Variants in COL21A1 observed in about 807,000 individuals in gnomAD.
COL21A1 encodes the protein collagen alpha-1(XXI) chain.
In COL21A1, 149 loss-of-function variants were observed where a neutral mutation model predicts 137.9. That is an observed-to-expected ratio of 1.08 (90% CI 0.95 to 1.24). The LOEUF (loss-of-function observed/expected upper bound fraction) is 1.24. COL21A1 is among the 50% of genes most tolerant of loss of function. The pLI, the probability that COL21A1 is intolerant of heterozygous loss-of-function variation, is 0.00. For synonymous variants in COL21A1, 456 were observed against 391.5 expected (o/e 1.16, Z -1.95); for missense variants, 1,167 against 1,158.4 (o/e 1.01, Z -0.11).
At chr6:56,098,654 T>TAA (rs1770076828) in intron 17 of COL21A1, among the ~76,000 whole-genome samples, 3 of 52,356 alleles carry the variant, frequency 5.7e-5, no homozygotes, top group African/African-American at 2.2e-4. Context: ...TATAAATATA[T>TAA]AAATATATAT....
At chr6:56,248,949 T>C (rs1782778705), upstream of COL21A1, among the ~76,000 whole-genome samples, 1 of 152,194 alleles carries the variant, frequency 6.6e-6, no homozygotes, top group South Asian at 2.1e-4. Context: ...ATCTAGAAAG[T>C]AAACAGCCCA....
intron 1 of COL21A1, among the ~76,000 whole-genome samples, chr6:56,232,440 G>A (rs534904134): frequency 6.6e-6 from 1 of 151,778 alleles, no homozygotes; most frequent in Non-Finnish European, 1.5e-5. Context: ...TCTCTAAAAG[G>A]GGTTATGTTG....
intron 24 of COL21A1, among the ~76,000 whole-genome samples, chr6:56,064,141 A>G (rs1446851350): frequency 6.6e-6 from 1 of 152,070 alleles, no homozygotes; most frequent in Non-Finnish European, 1.5e-5. Context: ...CAGAGCAGTA[A>G]ATTGTCTCTC....
At chr6:56,165,923 C>T (rs9370484) in intron 7 of COL21A1, among the ~76,000 whole-genome samples, 14 of 54,868 alleles carry the variant, frequency 2.6e-4, no homozygotes, top group East Asian at 2.4e-3. Flanking sequence ...CACACACACA[C>T]ACACACACAC....
chr6:56,207,688 G>A (rs151308002), intron 1 of COL21A1, among the ~76,000 whole-genome samples: 2 of 152,174 alleles, frequency 1.3e-5, no homozygotes, highest in African/African-American at 4.8e-5. Flanking sequence ...ATTTTATGAG[G>A]CCAGCATCAT....
chr6:56,127,376 CA>C (rs1481691649), intron 12 of COL21A1, among the ~76,000 whole-genome samples: 1 of 152,048 alleles, frequency 6.6e-6, no homozygotes, highest in Non-Finnish European at 1.5e-5. Flanking sequence ...TATTGAACTC[CA>C]AAATCTTTCC....
intron 1 of COL21A1, among the ~76,000 whole-genome samples, chr6:56,187,081 T>G (rs1314778663): frequency 6.6e-6 from 1 of 152,174 alleles, no homozygotes; most frequent in Admixed American, 6.5e-5. Context: ...TACATTTATT[T>G]TTTATAGTTC....
chr6:56,376,962 C>T (rs145213174), intron 1 of COL21A1, among the ~76,000 whole-genome samples: 12 of 142,838 alleles, frequency 8.4e-5, no homozygotes, highest in African/African-American at 2.6e-4. Context: ...AAGAGTCACA[C>T]GAGAGGTAGA....
intron 1 of COL21A1, among the ~76,000 whole-genome samples, chr6:56,316,490 T>TTTTTTTTTA (rs1764740454): frequency 7.5e-6 from 1 of 133,070 alleles, no homozygotes; most frequent in African/African-American, 2.7e-5. Context: ...TTTTTTTTTT[T>TTTTTTTTTA]TTTTTTTTTG....
At chr6:56,261,182 G>A (rs1007927190) in intron 1 of COL21A1, among the ~76,000 whole-genome samples, 3 of 151,852 alleles carry the variant, frequency 2.0e-5, no homozygotes, top group Admixed American at 2.0e-4. Flanking sequence ...ACTCTGCTTT[G>A]GTCATCCTGG....
chr6:56,366,125 T>A (rs1178251154), intron 1 of COL21A1, among the ~76,000 whole-genome samples: 1 of 152,136 alleles, frequency 6.6e-6, no homozygotes, highest in East Asian at 1.9e-4. Context: ...ATTCCTTTTC[T>A]GCAATTAGAT....
intron 1 of COL21A1, among the ~76,000 whole-genome samples, chr6:56,367,721 A>C (rs1477024711): frequency 2.0e-5 from 3 of 152,068 alleles, no homozygotes; most frequent in Admixed American, 6.5e-5. Flanking sequence ...CTTGGAACTG[A>C]GACAATTTTT....
chr6:56,183,327 A>G (rs1386396380), intron 1 of COL21A1, among the ~76,000 whole-genome samples: 2 of 152,192 alleles, frequency 1.3e-5, no homozygotes, highest in East Asian at 3.8e-4. Context: ...ACCTAAAAGA[A>G]CCAAATTCCA....
chr6:56,207,399 T>C (rs1779864340), intron 1 of COL21A1, among the ~76,000 whole-genome samples: 1 of 152,148 alleles, frequency 6.6e-6, no homozygotes, highest in Non-Finnish European at 1.5e-5. Flanking sequence ...CAGAGAATAC[T>C]ATAAACACCT....
intron 1 of COL21A1, among the ~76,000 whole-genome samples, chr6:56,228,617 T>A (rs1244818333): frequency 6.6e-6 from 1 of 151,214 alleles, no homozygotes; most frequent in Non-Finnish European, 1.5e-5. Flanking sequence ...TAAAAAAGTA[T>A]GGACAGATGA....
intron 9 of COL21A1, among the ~76,000 whole-genome samples, chr6:56,160,913 G>C (rs1020988014): frequency 6.6e-6 from 1 of 152,042 alleles, no homozygotes; most frequent in South Asian, 2.1e-4. Context: ...AAAACCTTAC[G>C]CCTTCATGCT....
rs80079547 is a variant in COL21A1 at position 56,319,036 on chromosome 6, A to G, written c.-39+74935T>C. Among the ~76,000 whole-genome samples the G allele has an allele frequency of 3.2e-3, 488 of 152,118 alleles. 6 individuals are homozygous for G. The East Asian group carries it at 0.039, about 12-fold the overall frequency. On this transcript the variant is annotated intron_variant, in intron 1 of 28. Coordinates refer to the COL21A1 transcript ENST00000370819. Reference sequence around the variant, plus strand: ...ACCACAATGTTTGATCAAATAGTCAATTCTCAGTCTTCACCTCCCTTGACT... The same window carrying G: ...ACCACAATGTTTGATCAAATAGTCAGTTCTCAGTCTTCACCTCCCTTGACT...
intron 22 of COL21A1, among the ~76,000 whole-genome samples, chr6:56,068,561 T>G (rs941897211): frequency 6.6e-6 from 1 of 151,592 alleles, no homozygotes; most frequent in Non-Finnish European, 1.5e-5. Context: ...ATTTTTAAAC[T>G]CCTTAAATTA....
intron 12 of COL21A1, among the ~76,000 whole-genome samples, chr6:56,131,289 CAG>C (rs778983275): frequency 1.1e-4 from 16 of 151,070 alleles, no homozygotes; most frequent in Non-Finnish European, 2.2e-4. Context: ...ACTGAGAAAA[CAG>C]AATGTAAATA....
Sources: gnomAD v4.1 joint callset for allele counts (sites outside exome capture counted in the v4.1 genomes callset) on GRCh38, gnomAD v4.1.1 for gene constraint, MANE v1.5 for transcripts, NCBI Gene and HGNC (gene_info 2026-07-23, HGNC 2026-07-21) for gene names.